PLCB4: variants seen among roughly 807,000 people sequenced by gnomAD.
PLCB4 encodes 1-phosphatidylinositol 4,5-bisphosphate phosphodiesterase beta-4.
PLCB4 carries 77 observed loss-of-function variants against 178.8 expected under a neutral mutation model. The ratio of observed to expected loss-of-function variants is 0.43; its 90% CI spans 0.36 to 0.52. The LOEUF (loss-of-function observed/expected upper bound fraction) is 0.52. PLCB4 is among the 20% of genes least tolerant of loss of function. PLCB4 has a pLI of 0.00. For missense variants in PLCB4, 1,024 were observed against 1,453.4 expected (o/e 0.70, Z 4.80); for synonymous variants, 496 against 490.8 (o/e 1.01, Z -0.14).
At chr20:9,206,566 C>G (rs564567555) in intron 2 of PLCB4, among the ~76,000 whole-genome samples, 1 of 152,238 alleles carries the variant, frequency 6.6e-6, no homozygotes, top group African/African-American at 2.4e-5. Flanking sequence ...AGGGAAGAAA[C>G]AGGACACAGG....
At chr20:9,165,064 G>A (rs970427311) in intron 2 of PLCB4, among the ~76,000 whole-genome samples, 2 of 152,134 alleles carry the variant, frequency 1.3e-5, no homozygotes, top group African/African-American at 4.8e-5. Flanking sequence ...CACTCTGTAT[G>A]ATATATTGGC....
At chr20:9,203,055 A>AT (rs1292924824) in intron 2 of PLCB4, among the ~76,000 whole-genome samples, 529 of 131,874 alleles carry the variant, frequency 4.0e-3, no homozygotes, top group Middle Eastern at 0.011. Context: ...AAAAAAAAAA[A>AT]AATATATATA....
At chr20:9,243,512 A>C (rs929129413) in intron 3 of PLCB4, among the ~76,000 whole-genome samples, 7 of 152,240 alleles carry the variant, frequency 4.6e-5, no homozygotes, top group African/African-American at 1.7e-4. Flanking sequence ...GTGAAAGAGC[A>C]GTTTAGAGAG....
intron 2 of PLCB4, among the ~76,000 whole-genome samples, chr20:9,103,093 C>G: frequency 6.7e-6 from 1 of 148,740 alleles, no homozygotes; most frequent in East Asian, 2.0e-4. Context: ...GGCGGGATCT[C>G]GGCTCACTGC....
chr20:9,465,404 A>G (rs900589243), intron 35 of PLCB4, among the ~76,000 whole-genome samples: 1 of 152,212 alleles, frequency 6.6e-6, no homozygotes, highest in East Asian at 1.9e-4. Flanking sequence ...CACCACTCCT[A>G]TTCAACATAG....
chr20:9,378,268 AACTT>A (rs1371576260), intron 12 of PLCB4, among the ~76,000 whole-genome samples: 14 of 152,300 alleles, frequency 9.2e-5, no homozygotes, highest in African/African-American at 3.4e-4. Context: ...AAATTTAAAA[AACTT>A]AATTTTAATA....
intron 2 of PLCB4, among the ~76,000 whole-genome samples, chr20:9,180,233 G>A (rs889086897): frequency 3.9e-5 from 6 of 152,210 alleles, no homozygotes; most frequent in Admixed American, 1.3e-4. Context: ...TATTATTATG[G>A]ATAGTAATTA....
At chr20:9,287,520 T>G (rs2094545875) in intron 3 of PLCB4, among the ~76,000 whole-genome samples, 1 of 152,084 alleles carries the variant, frequency 6.6e-6, no homozygotes, top group Non-Finnish European at 1.5e-5. Flanking sequence ...TAAGCAATGA[T>G]TCCATTTTCT....
intron 3 of PLCB4, among the ~76,000 whole-genome samples, chr20:9,246,391 A>G (rs1166254262): frequency 2.6e-5 from 4 of 151,970 alleles, no homozygotes; most frequent in Non-Finnish European, 2.9e-5. Context: ...GAATGGTCTC[A>G]CTCTCCCTCC....
intron 3 of PLCB4, among the ~76,000 whole-genome samples, chr20:9,227,799 T>C (rs2093885562): frequency 6.6e-6 from 1 of 152,180 alleles, no homozygotes; most frequent in Admixed American, 6.5e-5. Context: ...TTTTGGCTAC[T>C]TGGGGGGCTC....
At chr20:9,372,430 A>G (rs1361931880) in intron 11 of PLCB4, 27 bp downstream of exon 11, 1 of 1,132,240 alleles carries the variant, frequency 8.8e-7, no homozygotes, top group African/African-American at 1.5e-5. Context: ...AGGAAGTGCC[A>G]TATAAATATT....
intron 2 of PLCB4, among the ~76,000 whole-genome samples, chr20:9,178,344 T>A (rs1023738676): frequency 2.6e-5 from 4 of 151,868 alleles, no homozygotes; most frequent in Admixed American, 6.6e-5. Flanking sequence ...AATAAATAAA[T>A]AAAAATAATT....
At chr20:9,223,476 T>A (rs2093824622) in intron 3 of PLCB4, among the ~76,000 whole-genome samples, 1 of 152,246 alleles carries the variant, frequency 6.6e-6, no homozygotes, top group Non-Finnish European at 1.5e-5. Context: ...CATTTCTGGC[T>A]TGAGTTCTTT....
At chr20:9,191,698 C>A (rs1008246395) in intron 2 of PLCB4, among the ~76,000 whole-genome samples, 2 of 151,954 alleles carry the variant, frequency 1.3e-5, no homozygotes, top group Non-Finnish European at 2.9e-5. Context: ...AAATATACCC[C>A]GAGTCCCTCT....
At chr20:9,353,980 C>T (rs1484998186) in intron 7 of PLCB4, among the ~76,000 whole-genome samples, 1 of 152,192 alleles carries the variant, frequency 6.6e-6, no homozygotes, top group Non-Finnish European at 1.5e-5. Context: ...AAGCCCAGAT[C>T]TTCCAGACCA....
intron 2 of PLCB4, among the ~76,000 whole-genome samples, chr20:9,158,577 G>GT (rs373471121): frequency 0.011 from 1,525 of 133,310 alleles, 9 homozygotes; most frequent in African/African-American, 0.022. Context: ...CCACTCTCAC[G>GT]TTTTTTTTTT....
At chr20:9,104,984 A>G (rs968853488) in intron 2 of PLCB4, among the ~76,000 whole-genome samples, 3 of 152,126 alleles carry the variant, frequency 2.0e-5, no homozygotes, top group East Asian at 1.9e-4. Context: ...ATTTTTAAAT[A>G]TAATATTAAT....
intron 3 of PLCB4, among the ~76,000 whole-genome samples, chr20:9,257,594 C>A (rs1262554769): frequency 1.3e-5 from 2 of 152,070 alleles, no homozygotes. Flanking sequence ...ACAGGCTCAT[C>A]AAAAACTATT....
chr20:9,451,337 T>C (rs2299684), intron 32 of PLCB4, among the ~76,000 whole-genome samples: 29,944 of 152,168 alleles, frequency 0.2, 3,210 homozygotes, highest in East Asian at 0.36. Flanking sequence ...TGTCCTGTTC[T>C]GCACTAAAAT....
Sources: allele counts gnomAD v4.1 joint callset (sites outside exome capture counted in the v4.1 genomes callset), GRCh38; gene constraint gnomAD v4.1.1; transcripts MANE v1.5; gene names NCBI Gene and HGNC (gene_info 2026-07-23, HGNC 2026-07-21).